The following NMT2 variants were observed in gnomAD, a reference collection of about 807,000 sequenced individuals.
NMT2 encodes the protein glycylpeptide N-tetradecanoyltransferase 2.
A neutral mutation model predicts 65.4 loss-of-function variants in NMT2; 35 were observed. That is an observed-to-expected ratio of 0.54 (90% CI 0.41 to 0.71). NMT2 has a LOEUF of 0.71. Ranked by LOEUF, NMT2 falls within the 30% of genes least tolerant of loss-of-function variation. The pLI is 0.00. For synonymous variants in NMT2, 226 were observed against 231.8 expected (o/e 0.98, Z 0.23); for missense variants, 489 against 611.3 (o/e 0.80, Z 2.11).
At chr10:15,162,229 A>G (rs994273554) in intron 1 of NMT2, among the ~76,000 whole-genome samples, 1 of 148,244 alleles carries the variant, frequency 6.7e-6, no homozygotes, top group Admixed American at 6.8e-5. Flanking sequence ...TCCAGCCCAG[A>G]TGACAGAGTG....
At chr10:15,134,706 G>A (rs1057279587) in intron 3 of NMT2, among the ~76,000 whole-genome samples, 2 of 152,108 alleles carry the variant, frequency 1.3e-5, no homozygotes, top group African/African-American at 2.4e-5. Context: ...AATGGGCTAG[G>A]TGCGGTGGCT....
intron 1 of NMT2, among the ~76,000 whole-genome samples, chr10:15,157,490 C>T (rs1271671850): frequency 6.6e-6 from 1 of 152,062 alleles, no homozygotes; most frequent in South Asian, 2.1e-4. Flanking sequence ...AACCTGGCTT[C>T]GTGGAACTCT....
chr10:15,138,585 T>C, intron 2 of NMT2: 1 of 413,680 alleles, frequency 2.4e-6, no homozygotes, highest in South Asian at 1.8e-5. Flanking sequence ...CCAGCAACTA[T>C]ACTCTTTACC....
Position 15,107,382 on chromosome 10 carries a change from CCAT to C in NMT2, c.*1810_*1812del. Reference sequence around the variant, plus strand: ...CTGGACTCATAACTTGAAGGAAATGCCATCATGTCTAAAACAATTAACTTCTGC... The same window carrying C: ...CTGGACTCATAACTTGAAGGAAATGCCATGTCTAAAACAATTAACTTCTGC... On this transcript the variant is annotated 3_prime_UTR_variant, in exon 12 of 12. Transcript: ENST00000378165. 2 of 985,414 alleles carry C rather than the reference CCAT, an allele frequency of 2.0e-6. No homozygotes were observed. Among genetic ancestry groups the C allele is most frequent in the Non-Finnish European group, 2.4e-6 (2 of 829,940 alleles). 61.0% of individuals were successfully genotyped at this position (985,414 alleles called of 1,614,324 possible).
At chr10:15,156,566 G>A (rs1006732012) in intron 1 of NMT2, among the ~76,000 whole-genome samples, 12 of 152,170 alleles carry the variant, frequency 7.9e-5, no homozygotes, top group Non-Finnish European at 1.2e-4. Context: ...AAGGCATGGC[G>A]TTTTTGCTTA....
chr10:15,136,229 AAAGGGAAAGGGAAAGGAAGGGAAGGG>A (rs1254427612), intron 2 of NMT2, among the ~76,000 whole-genome samples: 3 of 147,656 alleles, frequency 2.0e-5, no homozygotes, highest in Non-Finnish European at 3.0e-5. Context: ...CAGGAAAGGG[AAAGGGAAAGGGAAAGGAAGGGAAGGG>A]AAGGGAAAGG....
chr10:15,121,168 A>G (rs896817830), intron 8 of NMT2, among the ~76,000 whole-genome samples: 16 of 152,178 alleles, frequency 1.1e-4, no homozygotes, highest in Admixed American at 9.8e-4. Context: ...CCCCTTGGAG[A>G]AACACTAGAT....
At chr10:15,133,213 G>T in intron 4 of NMT2, 32 bp downstream of exon 4, 1 of 1,598,252 alleles carries the variant, frequency 6.3e-7, no homozygotes, top group Non-Finnish European at 8.6e-7. Flanking sequence ...GTGAATGCAG[G>T]AGTTGAATTT....
At position 15,116,130 on chromosome 10, in the gene NMT2, C is replaced by T. The variant is rs141532018; in HGVS notation, c.1171-3167G>A. On this transcript the variant is annotated intron_variant, in intron 9 of 11. Coordinates refer to ENST00000378165, the MANE Select transcript of NMT2 (RefSeq NM_004808.3). Reference sequence around the variant, plus strand: ...CTCCACACAACCGTAGTGGTATACACGTTTCATGCACCCATGGAATATCCA... The same window carrying T: ...CTCCACACAACCGTAGTGGTATACATGTTTCATGCACCCATGGAATATCCA... 1.7e-3 allele frequency among the ~76,000 whole-genome samples: 266 copies of T among 152,352 alleles called. 1 individual carries two copies. Among genetic ancestry groups the T allele is most frequent in the African/African-American group, 6.0e-3 (249 of 41,586 alleles).
intron 11 of NMT2, 45 bp downstream of exon 11, chr10:15,109,657 A>G (rs538942362): frequency 8.9e-6 from 13 of 1,463,096 alleles, no homozygotes; most frequent in African/African-American, 2.9e-5. Context: ...GAAATTGTCT[A>G]GGTACATTTG....
At chr10:15,118,552 CA>C (rs1316092037) in intron 9 of NMT2, among the ~76,000 whole-genome samples, 2 of 148,422 alleles carry the variant, frequency 1.3e-5, no homozygotes, top group Non-Finnish European at 3.0e-5. Flanking sequence ...AACAAACAAA[CA>C]AAAAACCTTT....
chr10:15,117,121 A>G (rs905505201), intron 9 of NMT2, among the ~76,000 whole-genome samples: 18 of 152,218 alleles, frequency 1.2e-4, no homozygotes, highest in African/African-American at 3.9e-4. Flanking sequence ...CTCCAGAGAG[A>G]TATCTCTCAT....
chr10:15,112,466 T>A (rs933329565), intron 10 of NMT2, among the ~76,000 whole-genome samples: 2 of 151,240 alleles, frequency 1.3e-5, no homozygotes, highest in Non-Finnish European at 2.9e-5. Context: ...TAACCTCAGG[T>A]GATCCACCCA....
Position 15,109,136 on chromosome 10 carries a change from A to G in NMT2, c.*59T>C. 6.3e-7 allele frequency: 1 copy of G among 1,593,280 alleles called. No individual in the cohort carries two copies. Among genetic ancestry groups the G allele is most frequent in the Non-Finnish European group, 8.5e-7 (1 of 1,174,048 alleles). On this transcript the variant is annotated 3_prime_UTR_variant, in exon 12 of 12. Transcript: ENST00000378165. ...TATTCTTCTTTGGAATGGCAGTTCC[A>G]GAAATCATTAAATATTAACAAATGA...
At chr10:15,139,815 G>C (rs1322551715) in intron 2 of NMT2, 2 of 131,704 alleles carry the variant, frequency 1.5e-5, no homozygotes, top group Non-Finnish European at 3.2e-5. Flanking sequence ...CAGAAACTCT[G>C]CATAAGAAAA....
intron 1 of NMT2, among the ~76,000 whole-genome samples, chr10:15,166,878 G>A (rs1484975208): frequency 1.3e-5 from 2 of 152,096 alleles, no homozygotes; most frequent in African/African-American, 4.8e-5. Flanking sequence ...TTTGTACCAG[G>A]GGCATTCTCA....
rs61008778 is a variant in NMT2 at position 15,140,183 on chromosome 10, C to T, written c.246+1239G>A. ...CTGTCGCCAGGCTGCAGTGCAGTGG[C>T]GTGATCTTGGCTCACTGCAACCTCC... On this transcript the variant is annotated intron_variant, in intron 2 of 11. Coordinates refer to ENST00000378165, the MANE Select transcript of NMT2 (RefSeq NM_004808.3). Among the ~76,000 whole-genome samples the T allele has an allele frequency of 6.7e-3, 1,026 of 152,132 alleles. 12 individuals are homozygous for T. Among genetic ancestry groups the T allele is most frequent in the African/African-American group, 0.022 (931 of 41,546 alleles).
rs1845322429 is a variant in NMT2, at chr10:15,106,901, GA to G, written c.*2293del. Among the ~76,000 whole-genome samples, 1 of 152,182 alleles carries G rather than the reference GA, an allele frequency of 6.6e-6. No individual in the cohort carries two copies. The highest frequency in any genetic ancestry group is 2.4e-5 in the African/African-American group (1 of 41,446). ...GGATCACTTGAGGCCAGGAGTTAAA[GA>G]CCAGCACGGGAAACATAGCAAGACC... On this transcript the variant is annotated 3_prime_UTR_variant, in exon 12 of 12. Coordinates refer to ENST00000378165, the MANE Select transcript of NMT2 (RefSeq NM_004808.3).
chr10:15,168,467 C>T (rs368488249), intron 1 of NMT2, 36 bp downstream of exon 1: 82 of 1,515,510 alleles, frequency 5.4e-5, no homozygotes, highest in Non-Finnish European at 7.2e-5. Context: ...CGGTCCCCGC[C>T]CTGTCGCGCC....
Sources: allele counts gnomAD v4.1 joint callset (sites outside exome capture counted in the v4.1 genomes callset), GRCh38; gene constraint gnomAD v4.1.1; transcripts MANE v1.5; gene names NCBI Gene and HGNC (gene_info 2026-07-23, HGNC 2026-07-21).